The following SMIM36 variants were observed in gnomAD, a reference collection of about 807,000 sequenced individuals.
SMIM36 encodes small integral membrane protein 36.
upstream of SMIM36, among the ~76,000 whole-genome samples, chr17:55,513,022 C>T (rs965846697): frequency 6.6e-6 from 1 of 152,098 alleles, no homozygotes; most frequent in African/African-American, 2.4e-5. Flanking sequence ...ATTCTATGGT[C>T]CTGGACTAAC....
intron 4 of SMIM36, among the ~76,000 whole-genome samples, chr17:55,457,820 C>T (rs1203533294): frequency 2.0e-5 from 3 of 152,114 alleles, no homozygotes; most frequent in South Asian, 4.2e-4. Flanking sequence ...GCTACCGCGC[C>T]GGCCTTTTGT....
intron 1 of SMIM36, among the ~76,000 whole-genome samples, chr17:55,499,567 C>A (rs1289166542): frequency 6.6e-6 from 1 of 152,146 alleles, no homozygotes; most frequent in Non-Finnish European, 1.5e-5. Context: ...GATAAATCTC[C>A]ATTTATCTCC....
intron 3 of SMIM36, among the ~76,000 whole-genome samples, chr17:55,470,709 T>C (rs571618616): frequency 6.6e-6 from 1 of 152,236 alleles, no homozygotes; most frequent in South Asian, 2.1e-4. Context: ...CATCCTCCCC[T>C]TGTGTCTCCC....
intron 1 of SMIM36, among the ~76,000 whole-genome samples, chr17:55,487,118 G>A (rs563297358): frequency 6.6e-6 from 1 of 151,026 alleles, no homozygotes; most frequent in African/African-American, 2.4e-5. Context: ...ACCAAACACC[G>A]CATGTTCTCA....
At chr17:55,530,065 C>T in the SMIM36 span, among the ~76,000 whole-genome samples, 5 of 152,136 alleles carry the variant, frequency 3.3e-5, no homozygotes, top group Non-Finnish European at 7.3e-5. Flanking sequence ...CTCCTAAGCC[C>T]TAGCGAGGAA....
At chr17:55,478,721 A>ACC (rs1909468222) in intron 3 of SMIM36, 41 bp downstream of exon 3, 1 of 152,236 alleles carries the variant, frequency 6.6e-6, no homozygotes, top group Non-Finnish European at 1.5e-5. Flanking sequence ...GTTCTGGTTG[A>ACC]AATGGGGTTG....
chr17:55,460,558 A>T (rs1909129205), intron 4 of SMIM36, among the ~76,000 whole-genome samples: 1 of 151,740 alleles, frequency 6.6e-6, no homozygotes, highest in Non-Finnish European at 1.5e-5. Context: ...ATTTACGTAA[A>T]TTTAAAACAT....
intron 1 of SMIM36, among the ~76,000 whole-genome samples, chr17:55,483,953 ATCTC>A (rs1476894399): frequency 6.6e-6 from 1 of 152,096 alleles, no homozygotes; most frequent in African/African-American, 2.4e-5. Flanking sequence ...CTTAAAATAA[ATCTC>A]TCTCTTTTTC....
the SMIM36 span, among the ~76,000 whole-genome samples, chr17:55,522,066 T>A: frequency 2.0e-5 from 3 of 152,318 alleles, 1 homozygote; most frequent in Admixed American, 2.0e-4. Context: ...GCCAGCATTC[T>A]TACACGGGCA....
At chr17:55,530,015 TTAAC>T in the SMIM36 span, among the ~76,000 whole-genome samples, 1 of 152,196 alleles carries the variant, frequency 6.6e-6, no homozygotes. Flanking sequence ...GATGATGTGT[TTAAC>T]TAATATTTCA....
intron 1 of SMIM36, among the ~76,000 whole-genome samples, chr17:55,501,353 T>TATAGAA (rs1909961221): frequency 6.8e-4 from 43 of 63,456 alleles, no homozygotes; most frequent in African/African-American, 2.9e-3. Context: ...ATATTATATT[T>TATAGAA]TATAATATAT....
Position 55,469,717 on chromosome 17 carries a change from C to T in SMIM36, c.*348-2389G>A, listed in dbSNP as rs557054182. On this transcript the variant is annotated intron_variant, in intron 3 of 4. Transcript: ENST00000636752. ...TTCAAAGGCCAAGTGCAGTGGCTCA[C>T]GCCTGTAATCCCAGCACTTTGGGAG... 9.8e-5 allele frequency among the ~76,000 whole-genome samples: 15 copies of T among 152,306 alleles called. No individual in the cohort carries two copies. The East Asian group carries it at 2.9e-3, about 29-fold the overall frequency.
chr17:55,470,277 A>G (rs1348421262), intron 3 of SMIM36, among the ~76,000 whole-genome samples: 1 of 152,124 alleles, frequency 6.6e-6, no homozygotes, highest in African/African-American at 2.4e-5. Flanking sequence ...CTGATTGACT[A>G]CTTCCCAGAT....
chr17:55,462,169 C>T (rs1909157464), intron 4 of SMIM36, among the ~76,000 whole-genome samples: 1 of 152,124 alleles, frequency 6.6e-6, no homozygotes, highest in Admixed American at 6.5e-5. Flanking sequence ...TTGACTTCCC[C>T]ACTTAATACT....
chr17:55,460,458 A>AAG (rs1909126459), intron 4 of SMIM36, among the ~76,000 whole-genome samples: 1 of 151,972 alleles, frequency 6.6e-6, no homozygotes, highest in African/African-American at 2.4e-5. Context: ...AAAACAAAAA[A>AAG]AAAGAACAAC....
intron 1 of SMIM36, among the ~76,000 whole-genome samples, chr17:55,503,022 G>GA (rs1261678819): frequency 6.7e-6 from 1 of 149,864 alleles, no homozygotes; most frequent in Non-Finnish European, 1.5e-5. Flanking sequence ...GAAGTTTAGA[G>GA]AAAAAAGAAT....
intron 1 of SMIM36, among the ~76,000 whole-genome samples, chr17:55,481,927 A>T (rs1305188256): frequency 2.0e-5 from 3 of 152,046 alleles, no homozygotes; most frequent in African/African-American, 7.2e-5. Context: ...AAACCTGTAG[A>T]CTCAAGCGAT....
At chr17:55,505,877 G>T (rs1308863945) in intron 1 of SMIM36, among the ~76,000 whole-genome samples, 3 of 110,470 alleles carry the variant, frequency 2.7e-5, no homozygotes, top group Non-Finnish European at 5.0e-5. Context: ...CTTCAGCAAA[G>T]TCTCAGGATA....
chr17:55,450,940 G>T (rs1470839088), intron 4 of SMIM36, among the ~76,000 whole-genome samples: 3 of 152,100 alleles, frequency 2.0e-5, no homozygotes, highest in African/African-American at 7.2e-5. Context: ...AGGCTGAAGT[G>T]CAGTGGCACG....
Sources: gnomAD v4.1 joint callset for allele counts (sites outside exome capture counted in the v4.1 genomes callset) on GRCh38, gnomAD v4.1.1 for gene constraint, MANE v1.5 for transcripts, NCBI Gene and HGNC (gene_info 2026-07-23, HGNC 2026-07-21) for gene names.